The following ELAPOR2 variants were observed in gnomAD, a reference collection of about 807,000 sequenced individuals.
ELAPOR2 encodes the protein endosome/lysosome-associated apoptosis and autophagy regulator family member 2.
Under a neutral mutation model 120.7 loss-of-function variants are expected in ELAPOR2, and 89 were observed. The observed-to-expected ratio is 0.74, with a 90% CI of 0.62 to 0.88. The LOEUF (loss-of-function observed/expected upper bound fraction) is 0.88, where lower values mean the gene tolerates loss of function less well. Among genes scored for constraint, ELAPOR2 ranks in the 40% least tolerant of loss-of-function variants. The pLI is 0.00. For missense variants in ELAPOR2, 1,134 were observed against 1,251.6 expected (o/e 0.91, Z 1.42); for synonymous variants, 444 against 444.9 (o/e 1.00, Z 0.03).
chr7:86,937,445 G>C (rs929444159), intron 8 of ELAPOR2, among the ~76,000 whole-genome samples: 2 of 152,076 alleles, frequency 1.3e-5, no homozygotes, highest in East Asian at 3.9e-4. Flanking sequence ...CAGCCACTTT[G>C]ATCTCAGTTT....
At chr7:86,971,901 G>A (rs1792119197) in intron 1 of ELAPOR2, among the ~76,000 whole-genome samples, 2 of 152,128 alleles carry the variant, frequency 1.3e-5, no homozygotes, top group African/African-American at 4.8e-5. Flanking sequence ...TTGAAAATCT[G>A]TTTGAGAATT....
chr7:86,896,781 G>T (rs2115891123), intron 19 of ELAPOR2, among the ~76,000 whole-genome samples: 1 of 152,266 alleles, frequency 6.6e-6, no homozygotes, highest in Non-Finnish European at 1.5e-5. Flanking sequence ...AAGTGAAAGT[G>T]AAAATTGATA....
At chr7:86,993,093 G>A (rs1792999409) in intron 1 of ELAPOR2, among the ~76,000 whole-genome samples, 1 of 151,798 alleles carries the variant, frequency 6.6e-6, no homozygotes, top group Non-Finnish European at 1.5e-5. Flanking sequence ...AAAATTAGCT[G>A]GGCGTGGTGG....
chr7:86,938,914 G>A lies in ELAPOR2; in HGVS notation c.894C>T (p.Phe298=), dbSNP rs1014821565. 4 of 1,613,188 alleles carry A rather than the reference G, an allele frequency of 2.5e-6. No individual in the cohort carries two copies. The highest frequency in any genetic ancestry group is 1.3e-5 in the African/African-American group (1 of 74,830). The change falls in exon 7 of 22, where the codon TTC becomes TTT. Residue 298 remains phenylalanine, a synonymous_variant. Coordinates refer to ENST00000450689, the MANE Select transcript of ELAPOR2 (RefSeq NM_001142749.3). ...SECFPCKPGT[F]SNKPGSFNCQ... is the part of the protein sequence containing the mutation. ...AGTTGAATGAACCTGGTTTGTTGCT[G>A]AATGTGCCTGGCTTGCAAGGAAAAC...
chr7:87,009,042 T>A (rs1309922981), intron 1 of ELAPOR2, among the ~76,000 whole-genome samples: 2 of 152,168 alleles, frequency 1.3e-5, no homozygotes, highest in African/African-American at 2.4e-5. Flanking sequence ...ATTCACTGAC[T>A]GATGAATTTA....
At chr7:86,986,923 T>A (rs527259533) in intron 1 of ELAPOR2, among the ~76,000 whole-genome samples, 9 of 150,722 alleles carry the variant, frequency 6.0e-5, no homozygotes, top group Non-Finnish European at 1.2e-4. Context: ...GCTGGAGGCA[T>A]CATGCTACCT....
In ELAPOR2 at chr7:86,957,797, T is replaced by C. The variant is rs1463498138; in HGVS notation, c.310+7107A>G. ...ACTTGAGCCCAAGGTTTTGAGACTA[T>C]AGTAAACTGATTGTGCCTGTGAATA... On this transcript the variant is annotated intron_variant, in intron 2 of 21. Transcript: ENST00000450689. 3.9e-5 allele frequency among the ~76,000 whole-genome samples: 6 copies of C among 152,180 alleles called. No homozygotes were observed. In the East Asian group the frequency reaches 9.6e-4, roughly 24 times the overall value.
At chr7:87,058,178 G>A (rs1199093493) in intron 1 of ELAPOR2, among the ~76,000 whole-genome samples, 1 of 152,112 alleles carries the variant, frequency 6.6e-6, no homozygotes. Flanking sequence ...AGAGAAAGAC[G>A]AAAATCCATA....
intron 1 of ELAPOR2, among the ~76,000 whole-genome samples, chr7:86,997,173 A>G (rs1793154318): frequency 6.6e-6 from 1 of 151,894 alleles, no homozygotes; most frequent in Non-Finnish European, 1.5e-5. Flanking sequence ...AGAATAAAGT[A>G]TCTGGAGGAT....
intron 20 of ELAPOR2, 27 bp from the exon 21 acceptor site, chr7:86,891,916 A>T: frequency 1.5e-6 from 2 of 1,367,834 alleles, no homozygotes; most frequent in Non-Finnish European, 2.0e-6. Flanking sequence ...TAAATAAACA[A>T]ATAAGTATCC....
At chr7:86,903,870 T>C (rs750791139) in intron 18 of ELAPOR2, among the ~76,000 whole-genome samples, 2 of 152,186 alleles carry the variant, frequency 1.3e-5, no homozygotes, top group Non-Finnish European at 2.9e-5. Flanking sequence ...ATAAAGACCC[T>C]GTTTGAGGAA....
At chr7:87,001,226 A>ATC (rs1453746004) in intron 1 of ELAPOR2, among the ~76,000 whole-genome samples, 4 of 152,144 alleles carry the variant, frequency 2.6e-5, no homozygotes, top group Non-Finnish European at 4.4e-5. Context: ...AGTCCCAGAG[A>ATC]GAGTAGAGGT....
chr7:87,020,375 A>T (rs1408332665), intron 1 of ELAPOR2, among the ~76,000 whole-genome samples: 1 of 152,202 alleles, frequency 6.6e-6, no homozygotes, highest in Non-Finnish European at 1.5e-5. Context: ...AAAGGACCCA[A>T]GTGACCATCA....
At chr7:86,956,904 T>C (rs1396781119) in intron 2 of ELAPOR2, among the ~76,000 whole-genome samples, 1 of 152,208 alleles carries the variant, frequency 6.6e-6, no homozygotes, top group Non-Finnish European at 1.5e-5. Context: ...AATTATGCCC[T>C]ACCACTTCGA....
intron 1 of ELAPOR2, among the ~76,000 whole-genome samples, chr7:87,013,094 T>C (rs11983715): frequency 0.019 from 2,954 of 152,242 alleles, 104 homozygotes; most frequent in African/African-American, 0.067. Flanking sequence ...CAGACCTCAG[T>C]CTCCAATCTT....
At chr7:87,041,167 G>A (rs1794773030) in intron 1 of ELAPOR2, among the ~76,000 whole-genome samples, 1 of 152,118 alleles carries the variant, frequency 6.6e-6, no homozygotes, top group African/African-American at 2.4e-5. Context: ...GGGCAGAATG[G>A]AACCAAGTTG....
At chr7:86,956,571 G>C (rs1417586846) in intron 2 of ELAPOR2, among the ~76,000 whole-genome samples, 1 of 152,184 alleles carries the variant, frequency 6.6e-6, no homozygotes, top group African/African-American at 2.4e-5. Flanking sequence ...CAAGAAAACT[G>C]ATACGTGTGA....
chr7:86,917,417 C>CA (rs1293851500), intron 12 of ELAPOR2, among the ~76,000 whole-genome samples: 1 of 151,068 alleles, frequency 6.6e-6, no homozygotes, highest in Non-Finnish European at 1.5e-5. Context: ...ACTTTGTCTC[C>CA]AAAAAGAAAA....
intron 18 of ELAPOR2, among the ~76,000 whole-genome samples, chr7:86,898,089 C>T (rs1788528054): frequency 6.6e-6 from 1 of 151,940 alleles, no homozygotes; most frequent in African/African-American, 2.4e-5. Flanking sequence ...GTGGAAACAA[C>T]CCAAATGTTT....
Sources: gnomAD v4.1 joint callset for allele counts (sites outside exome capture counted in the v4.1 genomes callset) on GRCh38, gnomAD v4.1.1 for gene constraint, MANE v1.5 for transcripts, NCBI Gene and HGNC (gene_info 2026-07-23, HGNC 2026-07-21) for gene names.